Variants in DOCK1 observed in about 807,000 individuals in gnomAD.
DOCK1 encodes dedicator of cytokinesis 1.
Under a neutral mutation model 262.7 loss-of-function variants are expected in DOCK1, and 138 were observed. The observed-to-expected ratio is 0.53, with a 90% CI of 0.46 to 0.61. DOCK1 has a LOEUF of 0.61. Ranked by LOEUF, DOCK1 falls within the 20% of genes least tolerant of loss-of-function variation. DOCK1 has a pLI of 0.00. For missense variants in DOCK1, 1,908 were observed against 2,370.7 expected (o/e 0.80, Z 4.05); for synonymous variants, 866 against 867.4 (o/e 1.00, Z 0.03).
chr10:127,379,986 T>C (rs2065737369), intron 35 of DOCK1, 96 bp from the exon 36 acceptor site: 1 of 876,348 alleles, frequency 1.1e-6, no homozygotes, highest in Admixed American at 2.2e-5. Flanking sequence ...TTTGGCTGTG[T>C]TTGACACAAG....
At chr10:126,955,751 A>G (rs2036682174) in intron 1 of DOCK1, among the ~76,000 whole-genome samples, 2 of 152,116 alleles carry the variant, frequency 1.3e-5, no homozygotes, top group South Asian at 2.1e-4. Context: ...CCGAGTGGTC[A>G]CGTTGCACAG....
chr10:127,037,584 C>A, intron 18 of DOCK1, 135 bp from the exon 19 acceptor site: 1 of 640,418 alleles, frequency 1.6e-6, no homozygotes, highest in Non-Finnish European at 2.6e-6. Flanking sequence ...GAATATTTAG[C>A]AGGTGAATCT....
At chr10:127,095,732 C>G (rs746023115) in intron 23 of DOCK1, among the ~76,000 whole-genome samples, 1 of 151,846 alleles carries the variant, frequency 6.6e-6, no homozygotes, top group Non-Finnish European at 1.5e-5. Flanking sequence ...GAGAGCAGTC[C>G]TGCACAGTGA....
At chr10:127,416,243 C>G (rs1286153566) in intron 44 of DOCK1, among the ~76,000 whole-genome samples, 2 of 152,236 alleles carry the variant, frequency 1.3e-5, no homozygotes, top group Non-Finnish European at 2.9e-5. Flanking sequence ...TTCTGTGCCC[C>G]TAGCAGCCAG....
intron 28 of DOCK1, among the ~76,000 whole-genome samples, chr10:127,253,585 A>T (rs1270248482): frequency 6.6e-6 from 1 of 152,206 alleles, no homozygotes; most frequent in Non-Finnish European, 1.5e-5. Flanking sequence ...AAAGAATAAT[A>T]CAATGGAGCC....
intron 43 of DOCK1, among the ~76,000 whole-genome samples, chr10:127,414,662 G>A (rs1034512099): frequency 1.3e-5 from 2 of 152,056 alleles, no homozygotes; most frequent in South Asian, 2.1e-4. Flanking sequence ...TATTAGTTAC[G>A]TCAAAACATT....
At chr10:126,992,127 T>A (rs2039833290) in intron 6 of DOCK1, among the ~76,000 whole-genome samples, 1 of 152,052 alleles carries the variant, frequency 6.6e-6, no homozygotes, top group Admixed American at 6.5e-5. Context: ...GAGAGATTTT[T>A]ATTTTTTTTT....
intron 23 of DOCK1, among the ~76,000 whole-genome samples, chr10:127,065,455 C>T (rs1040261155): frequency 2.6e-5 from 4 of 152,184 alleles, no homozygotes; most frequent in Non-Finnish European, 4.4e-5. Flanking sequence ...TGGATAGAGG[C>T]TCGGCCTGTT....
In DOCK1 at chr10:127,443,874, C is replaced by G. The variant is rs182082926; in HGVS notation, c.5260-252C>G. Among the ~76,000 whole-genome samples the G allele has an allele frequency of 1.6e-4, 25 of 152,132 alleles. No individual in the cohort carries two copies. In the East Asian group the frequency reaches 3.9e-3, roughly 24 times the overall value. On this transcript the variant is annotated intron_variant, in intron 49 of 51. Coordinates refer to ENST00000623213, the MANE Select transcript of DOCK1 (RefSeq NM_001290223.2). The stretch of plus-strand genomic sequence containing the variant: ...ACCTAGCATGTGTGTTTTGGGGGGT[C>G]TCTGGGGCATAAGGTTTTCCAGAGT...
At chr10:127,163,044 G>A (rs569992149) in intron 27 of DOCK1, among the ~76,000 whole-genome samples, 2 of 152,194 alleles carry the variant, frequency 1.3e-5, no homozygotes, top group South Asian at 2.1e-4. Context: ...TCTTCCCTCC[G>A]GGGCAGCACA....
chr10:127,024,970 T>G (rs772142116), intron 15 of DOCK1, 187 bp downstream of exon 15: 16 of 485,820 alleles, frequency 3.3e-5, no homozygotes, highest in Non-Finnish European at 5.1e-5. Flanking sequence ...TTTACTCTCA[T>G]CTCCTTTTGG....
At chr10:127,155,071 G>A (rs1208629496) in intron 27 of DOCK1, among the ~76,000 whole-genome samples, 1 of 152,168 alleles carries the variant, frequency 6.6e-6, no homozygotes, top group Non-Finnish European at 1.5e-5. Flanking sequence ...GCTCCCATCT[G>A]CATTAGCTTA....
chr10:126,999,364 C>T lies in DOCK1; in HGVS notation c.778C>T (p.Leu260=). The T allele has an allele frequency of 6.2e-7, 1 of 1,613,156 alleles. No homozygotes were observed. Among genetic ancestry groups the T allele is most frequent in the Non-Finnish European group, 8.5e-7 (1 of 1,179,562 alleles). Residue 260 remains leucine, a synonymous_variant, in exon 9 of 52, where the codon CTG becomes TTG. Coordinates refer to ENST00000623213, the MANE Select transcript of DOCK1 (RefSeq NM_001290223.2). ...TCTCCATTTTTCAAGTGAGAACTAC[C>T]TGGTTCGCTGGTCCAGTTCAGGATT... ...VESKFISENY[L]VRWSSSGLPK...
rs763089897 is a variant in DOCK1, at chr10:127,176,376, C to G, written c.2847+48612C>G. The G allele has an allele frequency of 3.1e-6, 5 of 1,609,458 alleles. No homozygotes were observed. The highest frequency in any genetic ancestry group is 4.2e-6 in the Non-Finnish European group (5 of 1,178,370). The stretch of plus-strand genomic sequence containing the variant: ...CTCCGACGTTGTGAGTATGCATTTG[C>G]CGGTGTCCTTACTGACCATGGTTCC... On this transcript the variant is annotated intron_variant, in intron 27 of 51. Transcript: ENST00000623213. The surrounding 1 kb of genome is among the most constrained non-coding windows in gnomAD (Gnocchi z 4.4).
intron 27 of DOCK1, among the ~76,000 whole-genome samples, chr10:127,158,225 T>C (rs2053265682): frequency 1.3e-5 from 2 of 152,292 alleles, no homozygotes; most frequent in South Asian, 4.1e-4. Context: ...TGGAAACACA[T>C]CAGAAAACAG....
chr10:127,004,778 C>T (rs1386728012), intron 10 of DOCK1, among the ~76,000 whole-genome samples: 1 of 125,574 alleles, frequency 8.0e-6, no homozygotes, highest in Non-Finnish European at 1.7e-5. Context: ...CGCCACCCCC[C>T]CGCCCCAAAA....
At chr10:127,368,021 C>T (rs1267525133) in intron 33 of DOCK1, among the ~76,000 whole-genome samples, 3 of 152,322 alleles carry the variant, frequency 2.0e-5, no homozygotes, top group Non-Finnish European at 4.4e-5. Flanking sequence ...TGTGCCACTT[C>T]CCTGCCCTGT....
chr10:127,301,945 C>T (rs985872861), intron 29 of DOCK1, among the ~76,000 whole-genome samples: 3 of 89,448 alleles, frequency 3.4e-5, no homozygotes, highest in African/African-American at 1.1e-4. Flanking sequence ...GACTCCATCT[C>T]AAAAAAAAAA....
chr10:127,056,092 G>A (rs1170663825), intron 22 of DOCK1, among the ~76,000 whole-genome samples: 1 of 152,174 alleles, frequency 6.6e-6, no homozygotes, highest in African/African-American at 2.4e-5. Context: ...TTACAACTTA[G>A]TGAGGCTCCC....
Sources: allele counts gnomAD v4.1 joint callset (sites outside exome capture counted in the v4.1 genomes callset), GRCh38; gene constraint gnomAD v4.1.1; non-coding constraint Gnocchi (gnomAD v3.1); transcripts MANE v1.5; gene names NCBI Gene and HGNC (gene_info 2026-07-23, HGNC 2026-07-21).